The following CDCA2 variants were observed in gnomAD, a reference collection of about 807,000 sequenced individuals.
CDCA2 encodes cell division cycle associated 2.
A neutral mutation model predicts 67.0 loss-of-function variants in CDCA2; 44 were observed. The ratio of observed to expected loss-of-function variants is 0.66; its 90% CI spans 0.52 to 0.84. The LOEUF (loss-of-function observed/expected upper bound fraction) is 0.84, where lower values mean the gene tolerates loss of function less well. Ranked by LOEUF, CDCA2 falls within the 40% of genes least tolerant of loss-of-function variation. The pLI, the probability that CDCA2 is intolerant of heterozygous loss-of-function variation, is 0.00. For missense variants in CDCA2, 1,253 were observed against 1,203.2 expected (o/e 1.04, Z -0.61); for synonymous variants, 447 against 418.7 (o/e 1.07, Z -0.82).
rs759360481 is a variant in CDCA2 at position 25,507,310 on chromosome 8, C to T, written c.2644C>T (p.Gln882Ter). 22 of 1,614,130 alleles carry T rather than the reference C, an allele frequency of 1.4e-5. No individual in the cohort carries two copies. Among genetic ancestry groups the T allele is most frequent in the Non-Finnish European group, 1.9e-5 (22 of 1,180,030 alleles). Residue 882 changes from glutamine (Q) to a stop codon, truncating the protein, a stop_gained, in exon 15 of 15, where the codon CAG (glutamine) becomes TAG (stop). Coordinates refer to ENST00000330560, the MANE Select transcript of CDCA2 (RefSeq NM_152562.4). LOFTEE classifies it low-confidence loss of function (END_TRUNC). ...DLSDAIEQTF[Q>*]RRNSETKVRR... is the part of the protein sequence containing the mutation. ...GTCTGATGCCATTGAGCAAACCTTTCAGAGGAGAAATAGTGAAACCAAAGT... is the reference window on the plus strand; with the variant it reads ...GTCTGATGCCATTGAGCAAACCTTTTAGAGGAGAAATAGTGAAACCAAAGT...
chr8:25,483,932 T>G, intron 9 of CDCA2, 34 bp from the exon 10 acceptor site: 1 of 1,571,476 alleles, frequency 6.4e-7, no homozygotes, highest in Non-Finnish European at 8.7e-7. Flanking sequence ...ATAGCTTAAT[T>G]TTTAAGTTAC....
chr8:25,489,444 G>A lies in CDCA2; in HGVS notation c.1671+755G>A, dbSNP rs528818521. 7.9e-5 allele frequency among the ~76,000 whole-genome samples: 12 copies of A among 152,214 alleles called. No individual in the cohort carries two copies. In the South Asian group the frequency reaches 2.3e-3, roughly 29 times the overall value. On this transcript the variant is annotated intron_variant, in intron 13 of 14. Coordinates refer to ENST00000330560, the MANE Select transcript of CDCA2 (RefSeq NM_152562.4). ...AGTGAACTGTTTCCAACTCTTGTCA[G>A]GAATCTCAATTCCGGATCCTTTTCC...
At chr8:25,461,833 T>C (rs1487285355) in intron 3 of CDCA2, among the ~76,000 whole-genome samples, 6 of 152,248 alleles carry the variant, frequency 3.9e-5, no homozygotes, top group Non-Finnish European at 5.9e-5. Context: ...AACTGTTCTA[T>C]GTACCAGGCA....
chr8:25,460,499 A>G lies in CDCA2; in HGVS notation c.177A>G (p.Thr59=). ...TTAAATCACCTTTGAACTTTTCCACAGTAACCGTAGAGCAATTGGGAATTA... is the reference window on the plus strand; with the variant it reads ...TTAAATCACCTTTGAACTTTTCCACGGTAACCGTAGAGCAATTGGGAATTA... ...DTFKSPLNFS[T]VTVEQLGITP... is the part of the protein sequence containing the mutation. Residue 59 remains threonine, a synonymous_variant, in exon 3 of 15, where the codon ACA becomes ACG. Transcript: ENST00000330560. The G allele has an allele frequency of 1.9e-6, 3 of 1,614,232 alleles. No homozygotes were observed. The highest frequency in any genetic ancestry group is 1.1e-5 in the South Asian group (1 of 91,090).
In CDCA2 at chr8:25,503,185, G is replaced by C. The variant is rs74350082; in HGVS notation, c.1672-188G>C. Among the ~76,000 whole-genome samples, 876 of 151,734 alleles carry C rather than the reference G, an allele frequency of 5.8e-3. 8 individuals are homozygous for C. The highest frequency in any genetic ancestry group is 0.02 in the African/African-American group (826 of 41,516). Reference sequence around the variant, plus strand: ...TGTGGTCCCAGCTACTTGGGAGGCTGAGATGGGAGGCTTGCTTGAGCCCAG... The same window carrying C: ...TGTGGTCCCAGCTACTTGGGAGGCTCAGATGGGAGGCTTGCTTGAGCCCAG... On this transcript the variant is annotated intron_variant, in intron 13 of 14. Transcript: ENST00000330560.
intron 13 of CDCA2, among the ~76,000 whole-genome samples, chr8:25,490,837 T>C (rs1471946001): frequency 6.6e-6 from 1 of 152,140 alleles, no homozygotes; most frequent in Non-Finnish European, 1.5e-5. Context: ...CTAGGTAGGA[T>C]TTCCACGCAG....
chr8:25,478,263 G>A (rs980240412), intron 7 of CDCA2, among the ~76,000 whole-genome samples: 1 of 152,010 alleles, frequency 6.6e-6, no homozygotes, highest in African/African-American at 2.4e-5. Flanking sequence ...ACTTGTAATC[G>A]CATTGACAAA....
intron 13 of CDCA2, among the ~76,000 whole-genome samples, chr8:25,497,504 A>AT (rs1563281783): frequency 2.9e-4 from 8 of 27,732 alleles, no homozygotes; most frequent in African/African-American, 4.5e-4. Context: ...AAAAATAAAA[A>AT]ATAAAAAAAA....
intron 14 of CDCA2, among the ~76,000 whole-genome samples, chr8:25,504,286 GAT>G (rs1491368335): frequency 1.4e-5 from 2 of 138,978 alleles, no homozygotes; most frequent in Admixed American, 7.3e-5. Context: ...AAATAATAAT[GAT>G]TTTTTTTTTT....
rs1288434707 is a variant in CDCA2 at position 25,488,587 on chromosome 8, C to G, written c.1569C>G (p.Asn523Lys). Residue 523 changes from asparagine to lysine, a missense_variant, in exon 13 of 15, where the codon AAC becomes AAG. Coordinates refer to ENST00000330560, the MANE Select transcript of CDCA2 (RefSeq NM_152562.4). ...GTGTTGTAGAAGAGAGTGTTTGCAACTTATTGAATACAGAAGTTCAGCCTT... is the reference window on the plus strand; with the variant it reads ...GTGTTGTAGAAGAGAGTGTTTGCAAGTTATTGAATACAGAAGTTCAGCCTT... The part of the protein sequence containing the change: ...LVSVVEESVC[N>K]LLNTEVQPCK... 4 of 1,611,938 alleles carry G rather than the reference C, an allele frequency of 2.5e-6. No individual in the cohort carries two copies. Among genetic ancestry groups the G allele is most frequent in the Non-Finnish European group, 3.4e-6 (4 of 1,179,324 alleles).
In CDCA2 at chr8:25,506,942, T is replaced by C; in HGVS notation, c.2276T>C (p.Leu759Ser). Residue 759 changes from leucine (L) to serine (S), a missense_variant, in exon 15 of 15, where the codon TTA (leucine) becomes TCA (serine). Leu to Ser is a moderately radical substitution (Grantham distance 145). Transcript: ENST00000330560. ...CAGTTCTTTAAAATTTCACCAGATT[T>C]AAACATAAAGTGTGAAAGAAAGGAT... ...LCQFFKISPD[L>S]NIKCERKDDF... 1 of 1,613,452 alleles carries C rather than the reference T, an allele frequency of 6.2e-7. No homozygotes were observed. The highest frequency in any genetic ancestry group is 1.3e-5 in the African/African-American group (1 of 74,980).
rs932880711 is a variant in CDCA2 at position 25,506,553 on chromosome 8, T to C, written c.1887T>C (p.Pro629=). The C allele has an allele frequency of 1.9e-6, 3 of 1,595,270 alleles. No individual in the cohort carries two copies. In the Admixed American group the frequency reaches 5.5e-5, roughly 29 times the overall value. Residue 629 remains proline, a synonymous_variant, in exon 15 of 15, where the codon CCT becomes CCC. Coordinates refer to ENST00000330560, the MANE Select transcript of CDCA2 (RefSeq NM_152562.4). Reference sequence around the variant, plus strand: ...GCAAACTGGAAGAAGTGAAGACTCCTAAAAATCCAGTGAAAAGAAAGGATC... The same window carrying C: ...GCAAACTGGAAGAAGTGAAGACTCCCAAAAATCCAGTGAAAAGAAAGGATC... ...SNGKLEEVKT[P]KNPVKRKDLL...
At position 25,506,506 on chromosome 8, in the gene CDCA2, A is replaced by G; in HGVS notation, c.1844-4A>G. 2.6e-6 allele frequency: 4 copies of G among 1,553,056 alleles called. No homozygotes were observed. Among genetic ancestry groups the G allele is most frequent in the Non-Finnish European group, 2.6e-6 (3 of 1,157,302 alleles). On this transcript the variant is annotated splice_polypyrimidine_tract_variant and splice_region_variant and intron_variant, in intron 14 of 14. Coordinates refer to ENST00000330560, the MANE Select transcript of CDCA2 (RefSeq NM_152562.4). Reference sequence around the variant, plus strand: ...TAGATTTAAACCTATTTACATGCCCATAGGTTATTTCAGTTCAAATGGCAA... The same window carrying G: ...TAGATTTAAACCTATTTACATGCCCGTAGGTTATTTCAGTTCAAATGGCAA...
intron 7 of CDCA2, among the ~76,000 whole-genome samples, chr8:25,477,379 T>C (rs1029062242): frequency 2.6e-5 from 4 of 152,146 alleles, no homozygotes; most frequent in Admixed American, 6.5e-5. Context: ...ATGCCCCCCC[T>C]CGACCTTCAT....
chr8:25,468,699 G>A (rs1054352376), intron 6 of CDCA2, among the ~76,000 whole-genome samples: 3 of 152,154 alleles, frequency 2.0e-5, no homozygotes, highest in Non-Finnish European at 4.4e-5. Context: ...TACGTATGAG[G>A]TATTCTAGAG....
rs1804564210 is a variant in CDCA2 at position 25,503,642 on chromosome 8, A to T, written c.1843+98A>T. The T allele has an allele frequency of 4.2e-6, 5 of 1,185,768 alleles. No individual in the cohort carries two copies. In the Admixed American group the frequency reaches 7.1e-5, roughly 17 times the overall value. 73.5% of individuals were successfully genotyped at this position (1,185,768 alleles called of 1,614,324 possible). A position where few individuals can be genotyped will look rare whatever the true frequency, so the allele number is the denominator to read the frequency against. On this transcript the variant is annotated intron_variant, in intron 14 of 14. Transcript: ENST00000330560. ...TCACTTTTTTCCCATTCACTATGTA[A>T]AGAGTACGTAAATTTTAAAAAGCAA...
chr8:25,483,413 C>T lies in CDCA2; in HGVS notation c.1047C>T (p.Asn349=), dbSNP rs781008115. Residue 349 remains asparagine, a synonymous_variant, in exon 9 of 15, where the codon AAC becomes AAT. Transcript: ENST00000330560. ...ATTCTGTTTAGGAACACTGTAACAACCTCTATGATGATGATGGGACTCATC... is the reference window on the plus strand; with the variant it reads ...ATTCTGTTTAGGAACACTGTAACAATCTCTATGATGATGATGGGACTCATC... ...CLESLQEHCN[N]LYDDDGTHPS... 1.9e-6 allele frequency: 3 copies of T among 1,606,296 alleles called. No homozygotes were observed. The highest frequency in any genetic ancestry group is 4.5e-5 in the East Asian group (2 of 44,508).
intron 13 of CDCA2, 42 bp downstream of exon 13, chr8:25,488,731 G>A (rs374077606): frequency 6.8e-7 from 1 of 1,480,746 alleles, no homozygotes; most frequent in East Asian, 2.5e-5. Flanking sequence ...TAGAAGTGGT[G>A]TGTTTCCTTA....
chr8:25,483,585 A>G, intron 9 of CDCA2, 99 bp downstream of exon 9: 1 of 779,972 alleles, frequency 1.3e-6, no homozygotes, highest in Non-Finnish European at 2.0e-6. Flanking sequence ...ATAATGCCTT[A>G]GTGCTTCTGA....
Sources: allele counts gnomAD v4.1 joint callset (sites outside exome capture counted in the v4.1 genomes callset), GRCh38; gene constraint gnomAD v4.1.1; transcripts MANE v1.5; gene names NCBI Gene and HGNC (gene_info 2026-07-23, HGNC 2026-07-21).